Variants in PRELID2 observed in about 807,000 individuals in gnomAD.
PRELID2 encodes PRELI domain-containing protein 2.
In PRELID2, 25 loss-of-function variants were observed where a neutral mutation model predicts 28.4. The ratio of observed to expected loss-of-function variants is 0.88; its 90% CI spans 0.64 to 1.23. The LOEUF is 1.23. PRELID2 is among the 50% of genes most tolerant of loss of function. The pLI, the probability that PRELID2 is intolerant of heterozygous loss-of-function variation, is 0.00. For synonymous variants in PRELID2, 76 were observed against 71.6 expected (o/e 1.06, Z -0.31); for missense variants, 201 against 214.4 (o/e 0.94, Z 0.39).
At chr5:145,406,629 T>C in the PRELID2 span, among the ~76,000 whole-genome samples, 32,981 of 152,154 alleles carry the variant, frequency 0.22, 3,825 homozygotes, top group South Asian at 0.33. Context: ...GAGACTCACA[T>C]TGTGAACTTT....
chr5:145,558,081 G>GA (rs1312903705), intron 1 of PRELID2, among the ~76,000 whole-genome samples: 3 of 152,196 alleles, frequency 2.0e-5, no homozygotes, highest in Non-Finnish European at 2.9e-5. Flanking sequence ...TAACAGTATA[G>GA]AATCAGATAA....
chr5:145,772,433 T>G (rs1361493173), intron 5 of PRELID2, among the ~76,000 whole-genome samples: 1 of 152,140 alleles, frequency 6.6e-6, no homozygotes, highest in African/African-American at 2.4e-5. Flanking sequence ...GCTGAGTGAT[T>G]TGTAAACAAA....
chr5:145,456,637 C>T, the PRELID2 span, among the ~76,000 whole-genome samples: 1 of 152,070 alleles, frequency 6.6e-6, no homozygotes, highest in Non-Finnish European at 1.5e-5. Flanking sequence ...CATATGTCTA[C>T]CACCACCACC....
intron 1 of PRELID2, among the ~76,000 whole-genome samples, chr5:145,531,322 C>A (rs972971916): frequency 1.3e-5 from 2 of 152,176 alleles, no homozygotes; most frequent in Admixed American, 1.3e-4. Flanking sequence ...CATTTCATTA[C>A]TTTCTCTCCC....
At chr5:145,600,434 A>AAAAAAATATATATATATAT (rs1315631607) in intron 1 of PRELID2, among the ~76,000 whole-genome samples, 2 of 120,112 alleles carry the variant, frequency 1.7e-5, no homozygotes, top group African/African-American at 8.2e-5. Flanking sequence ...AAAAAAAAAA[A>AAAAAAATATATATATATAT]ATATATATAT....
At chr5:145,422,907 A>G in the PRELID2 span, among the ~76,000 whole-genome samples, 1 of 151,792 alleles carries the variant, frequency 6.6e-6, no homozygotes, top group Admixed American at 6.6e-5. Flanking sequence ...TGCTTCCTTC[A>G]AGAGCTCTTG....
chr5:145,756,100 C>T (rs1303777504), downstream of PRELID2, among the ~76,000 whole-genome samples: 1 of 152,190 alleles, frequency 6.6e-6, no homozygotes, highest in Non-Finnish European at 1.5e-5. Flanking sequence ...CTCTGCAGGT[C>T]CTGGTCCTTC....
At chr5:145,728,616 AC>A (rs1756245322) in intron 1 of PRELID2, 2 of 1,073,510 alleles carry the variant, frequency 1.9e-6, no homozygotes, top group Non-Finnish European at 2.9e-6. Flanking sequence ...GACCACTGTA[AC>A]ATTATAGACT....
At chr5:145,828,571 A>G (rs538287236) in intron 1 of PRELID2, among the ~76,000 whole-genome samples, 3 of 152,308 alleles carry the variant, frequency 2.0e-5, no homozygotes, top group Admixed American at 2.0e-4. Flanking sequence ...CCACACTAGC[A>G]TTAGGGAAAG....
At chr5:145,798,264 T>C (rs1272845937) in intron 4 of PRELID2, among the ~76,000 whole-genome samples, 2 of 152,138 alleles carry the variant, frequency 1.3e-5, no homozygotes. Flanking sequence ...TTATCCACAT[T>C]ACGGGAATCT....
chr5:145,749,622 C>T (rs1269408270), intron 1 of PRELID2, among the ~76,000 whole-genome samples: 2 of 152,036 alleles, frequency 1.3e-5, no homozygotes, highest in Non-Finnish European at 2.9e-5. Flanking sequence ...GGGTATATAC[C>T]CTAAGGAATA....
At chr5:145,545,006 G>C (rs1274723410) in intron 1 of PRELID2, among the ~76,000 whole-genome samples, 1 of 152,060 alleles carries the variant, frequency 6.6e-6, no homozygotes, top group East Asian at 1.9e-4. Flanking sequence ...ATAACTATTT[G>C]CAAGTACAAG....
intron 1 of PRELID2, among the ~76,000 whole-genome samples, chr5:145,553,663 T>C (rs1282833407): frequency 1.3e-5 from 2 of 152,258 alleles, no homozygotes; most frequent in East Asian, 3.8e-4. Context: ...TTATGAAGTC[T>C]GCTAAATAAT....
At chr5:145,723,817 A>G (rs2149719587) in intron 1 of PRELID2, among the ~76,000 whole-genome samples, 1 of 152,330 alleles carries the variant, frequency 6.6e-6, no homozygotes, top group South Asian at 2.1e-4. Flanking sequence ...CATTTTTCTT[A>G]CAACTCAGCA....
At chr5:145,817,052 C>T (rs902445812) in intron 4 of PRELID2, among the ~76,000 whole-genome samples, 1 of 150,700 alleles carries the variant, frequency 6.6e-6, no homozygotes, top group African/African-American at 2.4e-5. Context: ...ACCTTCATCT[C>T]CTGAGGCACA....
intron 1 of PRELID2, among the ~76,000 whole-genome samples, chr5:145,647,013 A>C (rs1394831485): frequency 1.3e-5 from 2 of 152,128 alleles, no homozygotes; most frequent in Non-Finnish European, 2.9e-5. Flanking sequence ...CTACTTGAGG[A>C]GGCATTCTGA....
chr5:145,508,912 T>G (rs904669500), intron 1 of PRELID2, among the ~76,000 whole-genome samples: 2 of 152,184 alleles, frequency 1.3e-5, no homozygotes, highest in African/African-American at 4.8e-5. Flanking sequence ...TTTTCTGAAC[T>G]GAGGCTTGAC....
chr5:145,428,528 A>G, the PRELID2 span, among the ~76,000 whole-genome samples: 1 of 152,196 alleles, frequency 6.6e-6, no homozygotes, highest in South Asian at 2.1e-4. Context: ...AAAGGCTGGA[A>G]GGGCTACGGA....
chr5:145,229,571 A>G, the PRELID2 span: 4 of 1,475,802 alleles, frequency 2.7e-6, no homozygotes, highest in Admixed American at 3.4e-5. Flanking sequence ...GGAGCTCTTC[A>G]TGTACCTGAA....
Sources: allele counts gnomAD v4.1 joint callset (sites outside exome capture counted in the v4.1 genomes callset), GRCh38; gene constraint gnomAD v4.1.1; transcripts MANE v1.5; gene names NCBI Gene and HGNC (gene_info 2026-07-23, HGNC 2026-07-21).